MRPL14: variants seen among roughly 807,000 people sequenced by gnomAD.
MRPL14 encodes large ribosomal subunit protein uL14m.
In MRPL14, 8 loss-of-function variants were observed where a neutral mutation model predicts 10.9. That is an observed-to-expected ratio of 0.74 (90% confidence interval 0.43 to 1.33). MRPL14 has a LOEUF of 1.33. Among genes scored for constraint, MRPL14 ranks in the 40% most tolerant of loss-of-function variants. The pLI is 0.01. For synonymous variants in MRPL14, 82 were observed against 74.1 expected, an observed-to-expected ratio of 1.11 and a Z score of -0.54; for missense variants, 179 against 194.5, an observed-to-expected ratio of 0.92 and a Z score of 0.47.
chr6:44,116,026 C>G (rs1280716276), intron 2 of MRPL14, among the ~76,000 whole-genome samples: 2 of 152,204 alleles, frequency 1.3e-5, no homozygotes, highest in African/African-American at 4.8e-5. Flanking sequence ...GTATGGCCAA[C>G]CCCAGGTGCG....
chr6:44,127,203 G>GGGACCCCCCCCTCCCCGTCGGGACCC (rs1777253511), intron 1 of MRPL14, 141 bp downstream of exon 1: 1 of 132,926 alleles, frequency 7.5e-6, no homozygotes, highest in Non-Finnish European at 1.7e-5. Flanking sequence ...CCTCCCCGTC[G>GGGACCCCCCCCTCCCCGTCGGGACCC]GGACCCCTCC....
chr6:44,122,151 C>A (rs1582724066), intron 1 of MRPL14, among the ~76,000 whole-genome samples: 1 of 151,744 alleles, frequency 6.6e-6, no homozygotes, highest in East Asian at 2.0e-4. Context: ...GACGCCATCT[C>A]AGCTCACTGC....
Position 44,114,048 on chromosome 6 carries a change from T to C in MRPL14, c.233A>G (p.Lys78Arg). The C allele has an allele frequency of 3.1e-6, 5 of 1,614,232 alleles. No individual in the cohort carries two copies. The highest frequency in any genetic ancestry group is 3.4e-6 in the Non-Finnish European group (4 of 1,180,038). Residue 78 changes from lysine (K) to arginine (R), a missense_variant, in exon 3 of 3, where the codon AAG (lysine) becomes AGG (arginine). By Grantham distance (26) the Lys-to-Arg change is conservative. Transcript: ENST00000372014. ...AATGAGCGCCTTTTTCTTCTGTCCC[T>C]TGATGGCCAGTAGTATCTGGTCGCC... is the stretch of plus-strand genomic sequence containing the variant. Reference protein sequence around the residue: ...KVGDQILLAIKGQKKKALIVG... With the variant: ...KVGDQILLAIRGQKKKALIVG...
In MRPL14 at chr6:44,113,609, G is replaced by A. The variant is rs957395351; in HGVS notation, c.*234C>T. On this transcript the variant is annotated 3_prime_UTR_variant, in exon 3 of 3. Coordinates refer to ENST00000372014, the MANE Select transcript of MRPL14 (RefSeq NM_032111.4). ...TGCTCCATGTAAAGAATGCTACCCC[G>A]TGTGGCCAGACTCGGGTAAGCCACC... The A allele has an allele frequency of 9.6e-6, 4 of 417,130 alleles. No homozygotes were observed. Among genetic ancestry groups the A allele is most frequent in the Non-Finnish European group, 1.7e-5 (4 of 239,708 alleles). The allele number at this position is 417,130 out of a possible 1,614,324, so 25.8% of individuals were successfully genotyped here. A position where few individuals can be genotyped will look rare whatever the true frequency, so the allele number is the denominator to read the frequency against.
chr6:44,114,656 T>TA (rs1172020288), intron 2 of MRPL14, among the ~76,000 whole-genome samples: 1 of 152,208 alleles, frequency 6.6e-6, no homozygotes, highest in Non-Finnish European at 1.5e-5. Flanking sequence ...TCGCCCAGGC[T>TA]AGAGTGCGGT....
chr6:44,114,701 C>T (rs947651798), intron 2 of MRPL14, among the ~76,000 whole-genome samples: 4 of 152,176 alleles, frequency 2.6e-5, no homozygotes, highest in Non-Finnish European at 5.9e-5. Context: ...CTCCACCTCC[C>T]GGGTTCACAC....
rs1776734367 is a variant in MRPL14, at chr6:44,124,372, A to AAGTGCTTT, written c.-19+2964_-19+2971dup. Among the ~76,000 whole-genome samples, 3 of 152,318 alleles carry AAGTGCTTT rather than the reference A, an allele frequency of 2.0e-5. No individual in the cohort carries two copies. The South Asian group carries it at 6.2e-4, about 32-fold the overall frequency. ...GAAAAGCAAAGAGGTCTGGAAATGG[A>AAGTGCTTT]AGTGCTTTAGCTTCACTCATGTAAG... On this transcript the variant is annotated intron_variant, in intron 1 of 2. Coordinates refer to ENST00000372014, the MANE Select transcript of MRPL14 (RefSeq NM_032111.4).
At position 44,118,144 on chromosome 6, in the gene MRPL14, T is replaced by A. The variant is rs547393730; in HGVS notation, c.-18-1515A>T. Among the ~76,000 whole-genome samples the A allele has an allele frequency of 5.3e-5, 8 of 152,282 alleles. No homozygotes were observed. In the South Asian group the frequency reaches 1.7e-3, roughly 32 times the overall value. Reference sequence around the variant, plus strand: ...CAGCTAATGTATGCAACTACTAACATCTGACACACAGAGAATCACAGACTA... The same window carrying A: ...CAGCTAATGTATGCAACTACTAACAACTGACACACAGAGAATCACAGACTA... On this transcript the variant is annotated intron_variant, in intron 1 of 2. Coordinates refer to ENST00000372014, the MANE Select transcript of MRPL14 (RefSeq NM_032111.4).
At chr6:44,125,227 G>GA (rs1159467331) in intron 1 of MRPL14, among the ~76,000 whole-genome samples, 1 of 152,200 alleles carries the variant, frequency 6.6e-6, no homozygotes, top group East Asian at 1.9e-4. Context: ...GCTTGCCCTG[G>GA]AAAGTGTCAC....
intron 1 of MRPL14, among the ~76,000 whole-genome samples, chr6:44,117,626 G>C (rs1385544278): frequency 6.6e-6 from 1 of 152,010 alleles, no homozygotes; most frequent in Non-Finnish European, 1.5e-5. Flanking sequence ...GGTGGGGCAG[G>C]GGAATCCACT....
At chr6:44,121,137 C>T (rs1776365733) in intron 1 of MRPL14, among the ~76,000 whole-genome samples, 1 of 152,060 alleles carries the variant, frequency 6.6e-6, no homozygotes, top group Non-Finnish European at 1.5e-5. Flanking sequence ...AGTCTATATA[C>T]AATGGTTGTT....
At chr6:44,121,742 C>T (rs143009868) in intron 1 of MRPL14, among the ~76,000 whole-genome samples, 4,909 of 152,298 alleles carry the variant, frequency 0.032, 109 homozygotes, top group Non-Finnish European at 0.048. Context: ...GAGTTTCAGA[C>T]CAGCCTGACC....
At chr6:44,123,932 T>A (rs975530841) in intron 1 of MRPL14, among the ~76,000 whole-genome samples, 2 of 152,126 alleles carry the variant, frequency 1.3e-5, no homozygotes, top group African/African-American at 4.8e-5. Context: ...TCAAGATGGT[T>A]TTTCAATGTG....
intron 1 of MRPL14, chr6:44,126,889 G>C (rs545141691): frequency 2.0e-5 from 3 of 152,326 alleles, no homozygotes; most frequent in African/African-American, 4.8e-5. Context: ...CGTTGACAGA[G>C]TGAAAGCAAA....
At chr6:44,116,499 T>TAC in intron 2 of MRPL14, 42 bp downstream of exon 2, 1 of 1,592,854 alleles carries the variant, frequency 6.3e-7, no homozygotes, top group African/African-American at 1.3e-5. Flanking sequence ...ATAGGAAGCT[T>TAC]ACACAAAGAC....
chr6:44,122,209 A>G (rs894483280), intron 1 of MRPL14, among the ~76,000 whole-genome samples: 1 of 151,930 alleles, frequency 6.6e-6, no homozygotes, highest in African/African-American at 2.4e-5. Flanking sequence ...CAGCCTCCCA[A>G]GTAGCTGGGA....
intron 1 of MRPL14, among the ~76,000 whole-genome samples, chr6:44,123,849 TGA>T (rs1170709474): frequency 6.6e-6 from 1 of 152,084 alleles, no homozygotes; most frequent in Non-Finnish European, 1.5e-5. Flanking sequence ...ACAGCCTGGG[TGA>T]CAGAGCGAGA....
chr6:44,121,513 C>A lies in MRPL14; in HGVS notation c.-18-4884G>T, dbSNP rs564918023. On this transcript the variant is annotated intron_variant, in intron 1 of 2. Transcript: ENST00000372014. ...ATGGAATATGGGGGAATTGCCATCG[C>A]CCTACAGATCCCATTGGAATGTATG... Among the ~76,000 whole-genome samples, 78 of 152,342 alleles carry A rather than the reference C, an allele frequency of 5.1e-4. 2 individuals carry two copies. The highest frequency in any genetic ancestry group is 1.8e-3 in the African/African-American group (74 of 41,576).
At chr6:44,121,464 G>C (rs542090676) in intron 1 of MRPL14, among the ~76,000 whole-genome samples, 1 of 152,224 alleles carries the variant, frequency 6.6e-6, no homozygotes, top group African/African-American at 2.4e-5. Flanking sequence ...CAGTTGTAGA[G>C]GCAAGGGAGG....
Sources: allele counts gnomAD v4.1 joint callset (sites outside exome capture counted in the v4.1 genomes callset), GRCh38; gene constraint gnomAD v4.1.1; transcripts MANE v1.5; gene names NCBI Gene and HGNC (gene_info 2026-07-23, HGNC 2026-07-21).